The following GRIN2A variants were observed in gnomAD, a reference collection of about 807,000 sequenced individuals.
GRIN2A encodes the protein glutamate receptor ionotropic, NMDA 2A.
GRIN2A carries 22 observed loss-of-function variants against 113.4 expected under a neutral mutation model. The observed-to-expected ratio is 0.19, with a 90% CI of 0.14 to 0.28. The LOEUF is 0.28. Among genes scored for constraint, GRIN2A ranks in the 10% least tolerant of loss-of-function variants. GRIN2A has a pLI of 1.00. For missense variants in GRIN2A, 1,502 were observed against 1,887.0 expected (o/e 0.80, Z 3.78); for synonymous variants, 827 against 738.4 (o/e 1.12, Z -1.94).
At position 9,759,921 on chromosome 16, in the gene GRIN2A, T is replaced by A. The variant is rs1430765090; in HGVS notation, c.*3228A>T. 1 of 230,766 alleles carries A rather than the reference T, an allele frequency of 4.3e-6. No homozygotes were observed. Among genetic ancestry groups the A allele is most frequent in the African/African-American group, 2.2e-5 (1 of 45,184 alleles). The allele number at this position is 230,766 out of a possible 1,614,324, so 14.3% of individuals were successfully genotyped here. Reference sequence around the variant, plus strand: ...CAGTTTATGCTCTAGAAGACTCTCTTACCCAGAGTATTTTAAATTGGTTGC... The same window carrying A: ...CAGTTTATGCTCTAGAAGACTCTCTAACCCAGAGTATTTTAAATTGGTTGC... On this transcript the variant is annotated 3_prime_UTR_variant, in exon 13 of 13. Transcript: ENST00000330684.
chr16:10,091,846 G>A (rs1354800463), intron 2 of GRIN2A, among the ~76,000 whole-genome samples: 2 of 152,202 alleles, frequency 1.3e-5, no homozygotes, highest in African/African-American at 4.8e-5. Context: ...AAGTGGATCA[G>A]TGCTTGCTTG....
intron 8 of GRIN2A, among the ~76,000 whole-genome samples, chr16:9,831,161 G>C (rs1437639646): frequency 6.6e-6 from 1 of 152,184 alleles, no homozygotes; most frequent in Non-Finnish European, 1.5e-5. Flanking sequence ...CAGAGAGCCT[G>C]GAGAGAATGG....
At chr16:9,766,375 TAGAC>T (rs1900923557) in intron 12 of GRIN2A, among the ~76,000 whole-genome samples, 1 of 152,154 alleles carries the variant, frequency 6.6e-6, no homozygotes, top group African/African-American at 2.4e-5. Flanking sequence ...TTTCTTGTAG[TAGAC>T]AGTCTCTCCA....
At chr16:10,064,637 T>C (rs939185077) in intron 2 of GRIN2A, among the ~76,000 whole-genome samples, 5 of 152,240 alleles carry the variant, frequency 3.3e-5, no homozygotes, top group Non-Finnish European at 7.3e-5. Context: ...GAGAAATTAA[T>C]ATGGTGACTA....
intron 4 of GRIN2A, among the ~76,000 whole-genome samples, chr16:9,875,888 C>A (rs946909052): frequency 6.6e-6 from 1 of 152,142 alleles, no homozygotes; most frequent in African/African-American, 2.4e-5. Context: ...ATGTGCACCT[C>A]TCCTGTTTAT....
chr16:10,133,256 A>T (rs141418857), intron 2 of GRIN2A, among the ~76,000 whole-genome samples: 2,723 of 152,300 alleles, frequency 0.018, 35 homozygotes, highest in Non-Finnish European at 0.028. Context: ...GCTCCGAAAG[A>T]TTCACTCCAT....
At chr16:9,998,696 T>C (rs1179694177) in intron 2 of GRIN2A, among the ~76,000 whole-genome samples, 1 of 152,158 alleles carries the variant, frequency 6.6e-6, no homozygotes, top group Non-Finnish European at 1.5e-5. Flanking sequence ...TCTATGTATC[T>C]TTCTCAACTA....
intron 2 of GRIN2A, among the ~76,000 whole-genome samples, chr16:10,036,211 G>C (rs906481380): frequency 2.3e-4 from 35 of 152,172 alleles, no homozygotes; most frequent in African/African-American, 7.5e-4. Context: ...TAGTTCTCTA[G>C]AACTGCTGTG....
At chr16:10,129,866 T>C (rs914043895) in intron 2 of GRIN2A, among the ~76,000 whole-genome samples, 2 of 152,228 alleles carry the variant, frequency 1.3e-5, no homozygotes, top group Non-Finnish European at 2.9e-5. Context: ...TGGAAGAAGA[T>C]ACCAGTTTAG....
At chr16:9,888,791 A>G (rs2043637061) in intron 4 of GRIN2A, among the ~76,000 whole-genome samples, 1 of 152,044 alleles carries the variant, frequency 6.6e-6, no homozygotes, top group Non-Finnish European at 1.5e-5. Flanking sequence ...TATCAGATTG[A>G]GGAATTTACC....
At chr16:9,912,896 G>A (rs934297800) in intron 3 of GRIN2A, among the ~76,000 whole-genome samples, 1 of 152,214 alleles carries the variant, frequency 6.6e-6, no homozygotes, top group Non-Finnish European at 1.5e-5. Flanking sequence ...GGATTCCAAG[G>A]CAGATAATTC....
At chr16:10,172,050 C>T (rs1179839820) in intron 2 of GRIN2A, among the ~76,000 whole-genome samples, 6 of 152,128 alleles carry the variant, frequency 3.9e-5, no homozygotes, top group Non-Finnish European at 5.9e-5. Context: ...AAGATAACTG[C>T]TATTCATATT....
intron 3 of GRIN2A, among the ~76,000 whole-genome samples, chr16:9,908,849 G>A (rs1320417576): frequency 6.6e-6 from 1 of 152,138 alleles, no homozygotes; most frequent in African/African-American, 2.4e-5. Flanking sequence ...ACCACACCGT[G>A]GCCTGGCACC....
At chr16:10,143,956 A>G (rs944007529) in intron 2 of GRIN2A, among the ~76,000 whole-genome samples, 7 of 151,976 alleles carry the variant, frequency 4.6e-5, no homozygotes, top group Admixed American at 3.9e-4. Context: ...ACAGAGTGAG[A>G]CTCTGTCTCA....
chr16:10,105,654 C>A (rs867431282), intron 2 of GRIN2A, among the ~76,000 whole-genome samples: 3 of 152,160 alleles, frequency 2.0e-5, no homozygotes, highest in Non-Finnish European at 4.4e-5. Flanking sequence ...GTAATTCCAG[C>A]GCTTAAGGAG....
At chr16:9,908,532 AAGG>A (rs1450174997) in intron 3 of GRIN2A, among the ~76,000 whole-genome samples, 1 of 152,174 alleles carries the variant, frequency 6.6e-6, no homozygotes, top group Non-Finnish European at 1.5e-5. Flanking sequence ...AGAGGGAACA[AAGG>A]AGGAGAAAGA....
intron 2 of GRIN2A, among the ~76,000 whole-genome samples, chr16:10,130,564 A>T (rs2049040450): frequency 6.6e-6 from 1 of 152,192 alleles, no homozygotes; most frequent in South Asian, 2.1e-4. Context: ...CACTGTCAAA[A>T]GGAACAGGAC....
chr16:9,914,302 A>G (rs2044199569), intron 3 of GRIN2A, among the ~76,000 whole-genome samples: 1 of 152,236 alleles, frequency 6.6e-6, no homozygotes. Context: ...AGCAAAACCC[A>G]GCAGATGCAC....
At chr16:9,914,227 C>A (rs2044198353) in intron 3 of GRIN2A, among the ~76,000 whole-genome samples, 1 of 152,146 alleles carries the variant, frequency 6.6e-6, no homozygotes, top group Non-Finnish European at 1.5e-5. Context: ...GTATTTCTTT[C>A]CTGGACAAAA....
Sources: gnomAD v4.1 joint callset for allele counts (sites outside exome capture counted in the v4.1 genomes callset) on GRCh38, gnomAD v4.1.1 for gene constraint, MANE v1.5 for transcripts, NCBI Gene and HGNC (gene_info 2026-07-23, HGNC 2026-07-21) for gene names.